DYNC1I1: variants seen among roughly 807,000 people sequenced by gnomAD.
The protein encoded by DYNC1I1 is dynein cytoplasmic 1 intermediate chain 1, also known as cytoplasmic dynein 1 intermediate chain 1.
A neutral mutation model predicts 86.6 loss-of-function variants in DYNC1I1; 43 were observed. The ratio of observed to expected loss-of-function variants is 0.50; its 90% CI spans 0.39 to 0.64. DYNC1I1 has a LOEUF of 0.64. Ranked by LOEUF, DYNC1I1 falls within the 30% of genes least tolerant of loss-of-function variation. The pLI is 0.00. For synonymous variants in DYNC1I1, 262 were observed against 283.7 expected (o/e 0.92, Z 0.77); for missense variants, 604 against 788.8 (o/e 0.77, Z 2.81).
At chr7:96,015,798 A>G (rs1794387531) in intron 10 of DYNC1I1, among the ~76,000 whole-genome samples, 1 of 152,192 alleles carries the variant, frequency 6.6e-6, no homozygotes, top group African/African-American at 2.4e-5. Context: ...ACAATGGTGT[A>G]GAAATTGAGG....
intron 6 of DYNC1I1, among the ~76,000 whole-genome samples, chr7:95,874,645 AAG>A (rs57425892): frequency 0.71 from 106,862 of 150,028 alleles, 38,611 homozygotes; most frequent in Non-Finnish European, 0.79. Context: ...TTAGAAAAAG[AAG>A]AGAGAGAGAG....
At chr7:95,995,602 T>G (rs1401897332) in intron 9 of DYNC1I1, among the ~76,000 whole-genome samples, 2 of 152,140 alleles carry the variant, frequency 1.3e-5, no homozygotes, top group Non-Finnish European at 2.9e-5. Context: ...AAGGAGAACC[T>G]GCAGGAACTG....
chr7:95,925,653 A>C (rs1045359226), intron 6 of DYNC1I1, among the ~76,000 whole-genome samples: 43 of 152,198 alleles, frequency 2.8e-4, no homozygotes, highest in African/African-American at 1.0e-3. Context: ...TCTAGAAAAC[A>C]GAAAATAGCC....
At chr7:96,042,603 G>T (rs1364395344) in intron 14 of DYNC1I1, among the ~76,000 whole-genome samples, 5 of 152,160 alleles carry the variant, frequency 3.3e-5, no homozygotes. Flanking sequence ...TGGAAACCAA[G>T]TTGAGTAAGC....
chr7:95,790,092 T>C (rs1233885317), intron 1 of DYNC1I1, among the ~76,000 whole-genome samples: 2 of 152,208 alleles, frequency 1.3e-5, no homozygotes, highest in African/African-American at 4.8e-5. Context: ...GCTCAGATCC[T>C]TCTGTGTTTC....
intron 6 of DYNC1I1, among the ~76,000 whole-genome samples, chr7:95,892,104 A>C (rs986399778): frequency 6.6e-6 from 1 of 151,848 alleles, no homozygotes; most frequent in African/African-American, 2.4e-5. Flanking sequence ...AGTAGCTGTG[A>C]TTACAGGCAT....
intron 6 of DYNC1I1, among the ~76,000 whole-genome samples, chr7:95,973,641 G>A (rs1436785791): frequency 6.6e-6 from 1 of 152,104 alleles, no homozygotes; most frequent in Admixed American, 6.6e-5. Flanking sequence ...CCTAGACATT[G>A]TATCACAAAC....
intron 15 of DYNC1I1, among the ~76,000 whole-genome samples, chr7:96,079,241 A>G (rs1790438660): frequency 1.3e-5 from 2 of 152,180 alleles, no homozygotes; most frequent in African/African-American, 2.4e-5. Flanking sequence ...AAGCCACAGT[A>G]CATGTTGTGT....
chr7:95,997,799 A>T (rs775879970), intron 10 of DYNC1I1, among the ~76,000 whole-genome samples: 1 of 152,210 alleles, frequency 6.6e-6, no homozygotes, highest in Non-Finnish European at 1.5e-5. Context: ...AAAGATGCTG[A>T]GTAAAATAGT....
At chr7:95,869,192 C>G (rs1309182179) in intron 5 of DYNC1I1, among the ~76,000 whole-genome samples, 2 of 152,120 alleles carry the variant, frequency 1.3e-5, no homozygotes, top group African/African-American at 4.8e-5. Context: ...CATAATGAAT[C>G]TAAAGACCCC....
intron 6 of DYNC1I1, among the ~76,000 whole-genome samples, chr7:95,926,766 A>G (rs1032336833): frequency 3.3e-5 from 5 of 152,160 alleles, no homozygotes; most frequent in Non-Finnish European, 5.9e-5. Context: ...CTACCTGTCT[A>G]TTAACTGTCT....
chr7:95,821,052 T>C (rs1483056644), intron 4 of DYNC1I1, among the ~76,000 whole-genome samples: 3 of 152,236 alleles, frequency 2.0e-5, no homozygotes, highest in Non-Finnish European at 2.9e-5. Flanking sequence ...TATTATTTCA[T>C]TTTTTAATAA....
intron 6 of DYNC1I1, among the ~76,000 whole-genome samples, chr7:95,909,587 A>G (rs188596311): frequency 6.6e-6 from 1 of 152,286 alleles, no homozygotes; most frequent in African/African-American, 2.4e-5. Context: ...AGAAGGAATG[A>G]GGGTGAAGCT....
chr7:96,073,842 C>T (rs536257290), intron 14 of DYNC1I1, among the ~76,000 whole-genome samples: 2 of 152,252 alleles, frequency 1.3e-5, no homozygotes, highest in East Asian at 3.9e-4. Context: ...GAAGGTGCAG[C>T]CACTCCACAT....
At chr7:96,012,837 A>G (rs1324087051) in intron 10 of DYNC1I1, among the ~76,000 whole-genome samples, 2 of 152,176 alleles carry the variant, frequency 1.3e-5, no homozygotes, top group East Asian at 1.9e-4. Flanking sequence ...ATGTTACCTC[A>G]AGTGGCAAAA....
At chr7:95,796,594 C>CT (rs1465637167) in intron 1 of DYNC1I1, among the ~76,000 whole-genome samples, 1 of 152,076 alleles carries the variant, frequency 6.6e-6, no homozygotes, top group African/African-American at 2.4e-5. Flanking sequence ...ATTTTTGACT[C>CT]TAACTTGAAT....
chr7:95,972,189 G>A (rs536779094), intron 6 of DYNC1I1, among the ~76,000 whole-genome samples: 32 of 152,196 alleles, frequency 2.1e-4, no homozygotes, highest in African/African-American at 7.5e-4. Context: ...TGCTGACAAC[G>A]CCTCTAGTGG....
At chr7:96,102,582 A>ATAC (rs1259118492), downstream of DYNC1I1, among the ~76,000 whole-genome samples, 1 of 152,200 alleles carries the variant, frequency 6.6e-6, no homozygotes, top group Non-Finnish European at 1.5e-5. Flanking sequence ...ATATCTAAGA[A>ATAC]TACTGCTCTG....
Position 95,810,474 on chromosome 7 carries a change from A to G in DYNC1I1, c.191A>G (p.Gln64Arg). 1 of 1,612,982 alleles carries G rather than the reference A, an allele frequency of 6.2e-7. No individual in the cohort carries two copies. Among genetic ancestry groups the G allele is most frequent in the Non-Finnish European group, 8.5e-7 (1 of 1,179,386 alleles). The change falls in exon 3 of 17, where the codon CAA becomes CGA. Residue 64 changes from glutamine to arginine, a missense_variant. Gln to Arg is a conservative substitution (Grantham distance 43). Coordinates refer to ENST00000447467, the MANE Select transcript of DYNC1I1 (RefSeq NM_001135556.2). ...CGACGAGAGACAGAGGCTTTGCTGC[A>G]AAGCATTGGTATCTCACCGGAGCCG... ...RKRRETEALLQSIGISPEPPL... is the reference protein window; with the variant it reads ...RKRRETEALLRSIGISPEPPL...
Sources: allele counts gnomAD v4.1 joint callset (sites outside exome capture counted in the v4.1 genomes callset), GRCh38; gene constraint gnomAD v4.1.1; transcripts MANE v1.5; gene names NCBI Gene and HGNC (gene_info 2026-07-23, HGNC 2026-07-21).